PSG3: variants seen among roughly 807,000 people sequenced by gnomAD.
PSG3 encodes pregnancy specific beta-1-glycoprotein 3, also known as pregnancy-specific beta-1-glycoprotein 3.
In PSG3, 61 loss-of-function variants were observed where a neutral mutation model predicts 47.5. That is an observed-to-expected ratio of 1.28 (90% CI 1.05 to 1.59). The LOEUF is 1.59. Ranked by LOEUF, PSG3 falls within the 40% of genes most tolerant of loss-of-function variation. The pLI, the probability that PSG3 is intolerant of heterozygous loss-of-function variation, is 0.00. For synonymous variants in PSG3, 263 were observed against 198.4 expected (o/e 1.33, Z -2.74); for missense variants, 756 against 524.0 (o/e 1.44, Z -4.32).
At chr19:42,724,828 G>T (rs1283683567) in intron 5 of PSG3, among the ~76,000 whole-genome samples, 5 of 151,652 alleles carry the variant, frequency 3.3e-5, no homozygotes, top group Non-Finnish European at 5.9e-5. Context: ...TCTCCCACAA[G>T]TAGTCAGTAA....
At chr19:42,736,914 AG>A (rs1969573838) in intron 2 of PSG3, among the ~76,000 whole-genome samples, 1 of 152,244 alleles carries the variant, frequency 6.6e-6, no homozygotes, top group South Asian at 2.1e-4. Flanking sequence ...GTTAGCGGGA[AG>A]GGAACTGAAC....
At chr19:42,739,247 A>G (rs1312890343) in intron 1 of PSG3, 158 bp from the exon 2 acceptor site, 3 of 1,264,094 alleles carry the variant, frequency 2.4e-6, no homozygotes, top group African/African-American at 3.1e-5. Flanking sequence ...GGGCATGTGT[A>G]TATGTGTTTG....
chr19:42,730,160 G>C, intron 3 of PSG3, 104 bp from the exon 4 acceptor site: 1 of 1,546,060 alleles, frequency 6.5e-7, no homozygotes, highest in Non-Finnish European at 8.7e-7. Context: ...GCCCACCCGA[G>C]TCCTTGAAAG....
At chr19:42,737,396 A>G (rs1244670414) in intron 2 of PSG3, among the ~76,000 whole-genome samples, 3 of 151,996 alleles carry the variant, frequency 2.0e-5, no homozygotes, top group Non-Finnish European at 4.4e-5. Flanking sequence ...CGCTGGGCCT[A>G]TGGTGGTGTA....
intron 2 of PSG3, among the ~76,000 whole-genome samples, chr19:42,736,717 T>C (rs1210116998): frequency 1.3e-5 from 2 of 151,366 alleles, no homozygotes; most frequent in Non-Finnish European, 2.9e-5. Flanking sequence ...AAACTGCCTA[T>C]CCCTGTCCCA....
chr19:42,735,474 C>T (rs774472976), intron 2 of PSG3, among the ~76,000 whole-genome samples: 23 of 152,124 alleles, frequency 1.5e-4, no homozygotes, highest in Non-Finnish European at 2.5e-4. Flanking sequence ...TCATGCCATT[C>T]TCCTGGCTTG....
intron 5 of PSG3, among the ~76,000 whole-genome samples, chr19:42,726,322 CG>C (rs1969377664): frequency 6.6e-6 from 1 of 151,322 alleles, no homozygotes; most frequent in African/African-American, 2.4e-5. Context: ...TAAAAAAAGA[CG>C]TTAAAATTGG....
intron 6 of PSG3, among the ~76,000 whole-genome samples, chr19:42,722,496 C>T (rs548116732): frequency 1.8e-4 from 28 of 152,250 alleles, no homozygotes; most frequent in East Asian, 5.8e-4. Flanking sequence ...CCTTGTGATC[C>T]GCCCACCTCG....
chr19:42,722,262 T>C (rs757778443), intron 6 of PSG3, among the ~76,000 whole-genome samples, 172 bp from the exon 7 acceptor site: 2 of 152,238 alleles, frequency 1.3e-5, no homozygotes, highest in South Asian at 4.1e-4. Context: ...AAAAAAATTT[T>C]TTTTTTGAGA....
intron 5 of PSG3, among the ~76,000 whole-genome samples, chr19:42,727,912 T>C (rs1401492290): frequency 2.6e-5 from 4 of 152,228 alleles, no homozygotes. Context: ...ATGAGGTGTA[T>C]CTATACATTG....
In PSG3 at chr19:42,737,108, A is replaced by C. The variant is rs574399622; in HGVS notation, c.430+1616T>G. ...TACACTGACTTCAGAGACCCCAGGG[A>C]CCAGGTGCCCCCAGTTCCACAGTCC... On this transcript the variant is annotated intron_variant, in intron 2 of 6. Coordinates refer to ENST00000327495, the MANE Select transcript of PSG3 (RefSeq NM_021016.4). Among the ~76,000 whole-genome samples the C allele has an allele frequency of 2.8e-4, 42 of 152,144 alleles. No homozygotes were observed. The South Asian group carries it at 7.7e-3, about 28-fold the overall frequency.
At position 42,740,374 on chromosome 19, in the gene PSG3, AG is replaced by A; in HGVS notation, c.10del (p.Leu4SerfsTer22). MGP[L>X]SAPPCTQRIT... ...GCGCTGTGTGCAGGGAGGGGCTGAGAGGGGCCCCATGGTCTCTGCTGCCTGC... is the reference window on the plus strand; with the variant it reads ...GCGCTGTGTGCAGGGAGGGGCTGAGAGGGCCCCATGGTCTCTGCTGCCTGC... On this transcript the variant is annotated frameshift_variant, in exon 1 of 7. Transcript: ENST00000327495. LOFTEE classifies it high-confidence loss of function. The A allele has an allele frequency of 6.2e-7, 1 of 1,613,924 alleles. No individual in the cohort carries two copies. The highest frequency in any genetic ancestry group is 1.7e-5 in the Admixed American group (1 of 60,008).
intron 6 of PSG3, among the ~76,000 whole-genome samples, chr19:42,722,520 C>G (rs1049518407): frequency 6.6e-6 from 1 of 152,202 alleles, no homozygotes; most frequent in African/African-American, 2.4e-5. Flanking sequence ...TCCCAAAGTG[C>G]TGGGATGACA....
At chr19:42,736,969 G>T (rs1025838661) in intron 2 of PSG3, among the ~76,000 whole-genome samples, 1 of 152,110 alleles carries the variant, frequency 6.6e-6, no homozygotes, top group South Asian at 2.1e-4. Flanking sequence ...ACCTAGGGGT[G>T]GGGGAAGAAG....
intron 4 of PSG3, among the ~76,000 whole-genome samples, 170 bp downstream of exon 4, chr19:42,729,608 G>T (rs561127148): frequency 6.6e-6 from 1 of 152,168 alleles, no homozygotes; most frequent in Non-Finnish European, 1.5e-5. Flanking sequence ...TATATTCTTG[G>T]TTAAGGCTGT....
chr19:42,737,344 T>G lies in PSG3; in HGVS notation c.430+1380A>C, dbSNP rs534354093. Among the ~76,000 whole-genome samples the G allele has an allele frequency of 1.2e-3, 178 of 152,230 alleles. 2 individuals are homozygous for G. Among genetic ancestry groups the G allele is most frequent in the African/African-American group, 4.2e-3 (173 of 41,534 alleles). Reference sequence around the variant, plus strand: ...TTGGATCATTCATTTCTTCATTCCATTTCTTCATTTGTTATGTAAGAGCTC... The same window carrying G: ...TTGGATCATTCATTTCTTCATTCCAGTTCTTCATTTGTTATGTAAGAGCTC... On this transcript the variant is annotated intron_variant, in intron 2 of 6. Transcript: ENST00000327495.
At chr19:42,733,902 A>C (rs1969518284) in intron 2 of PSG3, 1 of 152,200 alleles carries the variant, frequency 6.6e-6, no homozygotes, top group Non-Finnish European at 1.5e-5. Context: ...GGAAAGGGCG[A>C]ACATGAACAG....
chr19:42,734,693 GAA>G (rs1335579027), intron 2 of PSG3, among the ~76,000 whole-genome samples: 1 of 152,156 alleles, frequency 6.6e-6, no homozygotes. Context: ...AAGGTGATTT[GAA>G]ATTAGCAACT....
chr19:42,737,116 C>T (rs767970696), intron 2 of PSG3, among the ~76,000 whole-genome samples: 34 of 152,150 alleles, frequency 2.2e-4, no homozygotes, highest in African/African-American at 5.5e-4. Context: ...GGACCAGGTG[C>T]CCCCAGTTCC....
Sources: gnomAD v4.1 joint callset for allele counts (sites outside exome capture counted in the v4.1 genomes callset) on GRCh38, gnomAD v4.1.1 for gene constraint, MANE v1.5 for transcripts, NCBI Gene and HGNC (gene_info 2026-07-23, HGNC 2026-07-21) for gene names.